STAT5A: variants seen among roughly 807,000 people sequenced by gnomAD.
STAT5A encodes epididymis secretory sperm binding protein.
STAT5A carries 26 observed loss-of-function variants against 100.2 expected under a neutral mutation model. The observed-to-expected ratio is 0.26, with a 90% CI of 0.19 to 0.36. The LOEUF (loss-of-function observed/expected upper bound fraction) is 0.36. Ranked by LOEUF, STAT5A falls within the 10% of genes least tolerant of loss-of-function variation. The pLI is 1.00. For missense variants in STAT5A, 634 were observed against 1,027.5 expected, an observed-to-expected ratio of 0.62 and a Z score of 5.24; for synonymous variants, 330 against 424.3, an observed-to-expected ratio of 0.78 and a Z score of 2.73.
In STAT5A at chr17:42,308,043, TC is replaced by T. The variant is rs1381392199; in HGVS notation, c.1907-132del. ...GTAGAACATCCCGCATCGGCTTTCTTCCCTACAGGCTGGGGCTGCAGCGCAA... is the reference window on the plus strand; with the variant it reads ...GTAGAACATCCCGCATCGGCTTTCTTCCTACAGGCTGGGGCTGCAGCGCAA... On this transcript the variant is annotated intron_variant, in intron 15 of 18. Coordinates refer to ENST00000590949, the MANE Select transcript of STAT5A (RefSeq NM_001288718.2). This position sits in a 1 kb window ranked among gnomAD's most constrained non-coding sequence, Gnocchi z 4.6. The T allele has an allele frequency of 1.6e-5, 20 of 1,252,144 alleles. No homozygotes were observed. Among genetic ancestry groups the T allele is most frequent in the Non-Finnish European group, 2.2e-5 (20 of 911,288 alleles). 77.6% of individuals were successfully genotyped at this position (1,252,144 alleles called of 1,614,324 possible).
chr17:42,295,483 C>T, intron 4 of STAT5A, 136 bp from the exon 5 acceptor site: 1 of 867,756 alleles, frequency 1.2e-6, no homozygotes, highest in South Asian at 1.8e-5. Context: ...AATGATCCTT[C>T]CTTCTTGCCC....
At chr17:42,293,582 G>A (rs953175748) in intron 4 of STAT5A, among the ~76,000 whole-genome samples, 4 of 152,192 alleles carry the variant, frequency 2.6e-5, no homozygotes, top group Admixed American at 6.5e-5. Flanking sequence ...CTGTGTGTCC[G>A]ATGCTGGGCT....
chr17:42,298,173 T>G (rs1254421296), intron 5 of STAT5A, among the ~76,000 whole-genome samples: 1 of 152,088 alleles, frequency 6.6e-6, no homozygotes, highest in Non-Finnish European at 1.5e-5. Context: ...TGGATACTTT[T>G]TTTTTTTTGA....
intron 18 of STAT5A, 182 bp downstream of exon 18, chr17:42,309,666 T>G (rs1038370363): frequency 1.9e-5 from 11 of 575,546 alleles, no homozygotes; most frequent in Non-Finnish European, 3.1e-5. Flanking sequence ...AAGTCCTCAC[T>G]CTAGTACTAA....
chr17:42,307,531 T>C, intron 14 of STAT5A, 35 bp downstream of exon 14: 1 of 1,614,042 alleles, frequency 6.2e-7, no homozygotes, highest in Non-Finnish European at 8.5e-7. Flanking sequence ...AGGGGCCAGC[T>C]GTGGGCGCAG....
At chr17:42,295,462 C>T (rs1286927291) in intron 4 of STAT5A, among the ~76,000 whole-genome samples, 157 bp from the exon 5 acceptor site, 1 of 152,124 alleles carries the variant, frequency 6.6e-6, no homozygotes, top group Non-Finnish European at 1.5e-5. Flanking sequence ...CAAATGACTC[C>T]TTCTGATGCA....
In STAT5A at chr17:42,288,663, C is replaced by G. The variant is rs1370766749; in HGVS notation, c.-11+65C>G. Reference sequence around the variant, plus strand: ...AGGGGACACTCTACTGCCGCCCCGGCACCTCCGGCACCCGGAGCTCGACGG... The same window carrying G: ...AGGGGACACTCTACTGCCGCCCCGGGACCTCCGGCACCCGGAGCTCGACGG... On this transcript the variant is annotated intron_variant, in intron 1 of 18. Coordinates refer to ENST00000590949, the MANE Select transcript of STAT5A (RefSeq NM_001288718.2). This position sits in a 1 kb window ranked among gnomAD's most constrained non-coding sequence, Gnocchi z 4.8. 6.6e-6 allele frequency: 1 copy of G among 152,294 alleles called. No homozygotes were observed. The highest frequency in any genetic ancestry group is 1.5e-5 in the Non-Finnish European group (1 of 68,110). 9.4% of individuals were successfully genotyped at this position (152,294 alleles called of 1,614,324 possible). A position where few individuals can be genotyped will look rare whatever the true frequency, so the allele number is the denominator to read the frequency against.
intron 5 of STAT5A, 74 bp from the exon 6 acceptor site, chr17:42,299,677 G>A (rs2080956266): frequency 6.2e-7 from 1 of 1,611,384 alleles, no homozygotes; most frequent in Admixed American, 1.7e-5. Context: ...CTCCAGAACA[G>A]GTGAGTGGGC....
At chr17:42,293,000 A>C (rs1035094808) in intron 4 of STAT5A, among the ~76,000 whole-genome samples, 1 of 152,208 alleles carries the variant, frequency 6.6e-6, no homozygotes, top group Non-Finnish European at 1.5e-5. Context: ...AGGCAGGCTC[A>C]GAGAAGTGAG....
intron 4 of STAT5A, 56 bp downstream of exon 4, chr17:42,292,117 C>T: frequency 6.3e-7 from 1 of 1,587,740 alleles, no homozygotes; most frequent in Non-Finnish European, 8.6e-7. Flanking sequence ...ATATGCCTTT[C>T]TCTCCAGAAA....
At position 42,299,559 on chromosome 17, in the gene STAT5A, T is replaced by C. The variant is rs183310522; in HGVS notation, c.551-192T>C. Among the ~76,000 whole-genome samples, 796 of 152,258 alleles carry C rather than the reference T, an allele frequency of 5.2e-3. 7 individuals are homozygous for C. The highest frequency in any genetic ancestry group is 0.017 in the African/African-American group (717 of 41,556). On this transcript the variant is annotated intron_variant, in intron 5 of 18. Transcript: ENST00000590949. ...GGACGGCTCAGAGTCAGGAGGCTGG[T>C]GAGCAGGGCCCAGAGGCGCCTCCTG... is the stretch of plus-strand genomic sequence containing the variant.
chr17:42,306,273 G>C lies in STAT5A; in HGVS notation c.1506G>C (p.Val502=). The C allele has an allele frequency of 6.2e-7, 1 of 1,614,002 alleles. No homozygotes were observed. The highest frequency in any genetic ancestry group is 8.5e-7 in the Non-Finnish European group (1 of 1,179,930). The change falls in exon 13 of 19, where the codon GTG becomes GTC. Residue 502 remains valine, a synonymous_variant. Transcript: ENST00000590949. ...GRVPFAVPDK[V]LWPQLCEALN... is the part of the protein sequence containing the mutation. ...TGCCATTTGCCGTGCCTGACAAAGT[G>C]CTGTGGCCGCAGCTGTGTGAGGCGC...
intron 8 of STAT5A, among the ~76,000 whole-genome samples, 194 bp downstream of exon 8, chr17:42,301,064 G>C (rs1019728998): frequency 9.2e-5 from 14 of 152,064 alleles, no homozygotes; most frequent in African/African-American, 3.4e-4. Flanking sequence ...AGATACCCTG[G>C]GCCGCAGCCC....
At chr17:42,291,920 G>A (rs1313230062) in intron 3 of STAT5A, 52 bp from the exon 4 acceptor site, 1 of 1,596,818 alleles carries the variant, frequency 6.3e-7, no homozygotes, top group Non-Finnish European at 8.6e-7. Context: ...GCATGGGGCT[G>A]GCATGGCTGG....
intron 9 of STAT5A, 75 bp downstream of exon 9, chr17:42,301,529 C>T (rs2080979311): frequency 6.3e-7 from 1 of 1,575,678 alleles, no homozygotes; most frequent in South Asian, 1.1e-5. Flanking sequence ...TCCTTGCATC[C>T]AGCTATGTCT....
intron 4 of STAT5A, among the ~76,000 whole-genome samples, chr17:42,294,685 G>A (rs1598356152): frequency 6.6e-6 from 1 of 152,246 alleles, no homozygotes; most frequent in Non-Finnish European, 1.5e-5. Context: ...GGGCCCCAGG[G>A]CAGGAACATG....
In STAT5A at chr17:42,288,899, G is replaced by T. The variant is rs1315380059; in HGVS notation, c.-11+301G>T. Among the ~76,000 whole-genome samples the T allele has an allele frequency of 6.6e-6, 1 of 152,206 alleles. No homozygotes were observed. Among genetic ancestry groups the T allele is most frequent in the African/African-American group, 2.4e-5 (1 of 41,454 alleles). ...TGGGGGAGCAGCCGAAGAGGGGAGC[G>T]CCCAAGTCCTCAGCCCTGTCTCCTG... On this transcript the variant is annotated intron_variant, in intron 1 of 18. Coordinates refer to ENST00000590949, the MANE Select transcript of STAT5A (RefSeq NM_001288718.2). This position sits in a 1 kb window ranked among gnomAD's most constrained non-coding sequence, Gnocchi z 4.8.
intron 4 of STAT5A, among the ~76,000 whole-genome samples, chr17:42,295,316 A>G (rs1277983239): frequency 3.9e-5 from 6 of 152,120 alleles, no homozygotes; most frequent in South Asian, 2.1e-4. Flanking sequence ...AGGAAATTAG[A>G]TGGACCCTGT....
At chr17:42,300,404 C>T in intron 7 of STAT5A, 123 bp downstream of exon 7, 2 of 1,264,704 alleles carry the variant, frequency 1.6e-6, no homozygotes, top group South Asian at 1.5e-5. Context: ...CTTGTTTCTC[C>T]AGGGAGCCTG....
Sources: allele counts gnomAD v4.1 joint callset (sites outside exome capture counted in the v4.1 genomes callset), GRCh38; gene constraint gnomAD v4.1.1; non-coding constraint Gnocchi (gnomAD v3.1); transcripts MANE v1.5; gene names NCBI Gene and HGNC (gene_info 2026-07-23, HGNC 2026-07-21).